The following PKHD1L1 variants were observed in gnomAD, a reference collection of about 807,000 sequenced individuals.
PKHD1L1 encodes the protein PKHD1 like 1, also known as fibrocystin-L.
In PKHD1L1, 434 loss-of-function variants were observed where a neutral mutation model predicts 462.9. That is an observed-to-expected ratio of 0.94 (90% confidence interval 0.87 to 1.02). The LOEUF (loss-of-function observed/expected upper bound fraction) is 1.02. PKHD1L1 is among the 50% of genes least tolerant of loss of function. The pLI is 0.00. For synonymous variants in PKHD1L1, 1,781 were observed against 1,750.0 expected (o/e 1.02, Z -0.44); for missense variants, 5,202 against 5,096.1 (o/e 1.02, Z -0.63).
At chr8:109,484,953 A>C in intron 57 of PKHD1L1, 91 bp from the exon 58 acceptor site, 1 of 1,054,192 alleles carries the variant, frequency 9.5e-7, no homozygotes, top group East Asian at 2.7e-5. Flanking sequence ...AATGAGATAT[A>C]CATTAAATTT....
chr8:109,523,689 T>C (rs1820676258), intron 76 of PKHD1L1, among the ~76,000 whole-genome samples: 1 of 152,134 alleles, frequency 6.6e-6, no homozygotes, highest in Non-Finnish European at 1.5e-5. Flanking sequence ...AAAATTAACA[T>C]ACAGATTTTC....
chr8:109,392,180 C>T (rs1812743091), intron 9 of PKHD1L1, among the ~76,000 whole-genome samples: 1 of 151,838 alleles, frequency 6.6e-6, no homozygotes, highest in Non-Finnish European at 1.5e-5. Flanking sequence ...ATTTTTTGAA[C>T]TACATATGAT....
intron 12 of PKHD1L1, 52 bp from the exon 13 acceptor site, chr8:109,400,024 G>T: frequency 6.6e-7 from 1 of 1,521,550 alleles, no homozygotes; most frequent in Admixed American, 2.1e-5. Context: ...AAGCCATTGA[G>T]GCATTGCATT....
chr8:109,412,195 G>C, intron 19 of PKHD1L1, 70 bp from the exon 20 acceptor site: 1 of 1,533,214 alleles, frequency 6.5e-7, no homozygotes, highest in Non-Finnish European at 8.9e-7. Flanking sequence ...TGAGTGGTTT[G>C]GGTGCACACG....
At chr8:109,516,252 AT>A (rs1266504270) in intron 72 of PKHD1L1, among the ~76,000 whole-genome samples, 2 of 152,092 alleles carry the variant, frequency 1.3e-5, no homozygotes, top group African/African-American at 4.8e-5. Flanking sequence ...AATACCACAA[AT>A]TGAGTGGCTC....
rs746697802 is a variant in PKHD1L1, at chr8:109,475,228, A to G, written c.8716A>G (p.Ile2906Val). ...CTGGTATTTTAAAGGTGTGGATCAC[A>G]TAACCAACATTTCATATACATCGAC... ...INWYFKGVDH[I>V]TNISYTSTFY... The change falls in exon 51 of 78, where the codon ATA (isoleucine) becomes GTA (valine). Residue 2906 changes from isoleucine to valine, a missense_variant. Ile to Val is a conservative substitution (Grantham distance 29). This residue lies in a region of PKHD1L1 where 4,497 missense variants were observed against 4,336.8 expected (regional missense o/e 1.04). Transcript: ENST00000378402. The G allele has an allele frequency of 5.8e-5, 94 of 1,611,028 alleles. No homozygotes were observed. The South Asian group carries it at 1.0e-3, about 18-fold the overall frequency.
intron 2 of PKHD1L1, among the ~76,000 whole-genome samples, chr8:109,370,239 C>A (rs1244884984): frequency 6.6e-6 from 1 of 152,098 alleles, no homozygotes; most frequent in Admixed American, 6.5e-5. Context: ...CTGCTTCAAC[C>A]TCCCGAGTAG....
intron 21 of PKHD1L1, among the ~76,000 whole-genome samples, chr8:109,415,039 C>T (rs925346999): frequency 2.7e-5 from 4 of 150,820 alleles, no homozygotes; most frequent in Non-Finnish European, 1.5e-5. Context: ...ATTCTGTCAC[C>T]GTGGCTGGAG....
chr8:109,506,432 G>C (rs1035130278), intron 68 of PKHD1L1, among the ~76,000 whole-genome samples: 1 of 152,188 alleles, frequency 6.6e-6, no homozygotes. Context: ...TCATATGCCA[G>C]AGGTTTTCAT....
At chr8:109,525,105 A>C (rs1820751749) in intron 76 of PKHD1L1, among the ~76,000 whole-genome samples, 1 of 152,210 alleles carries the variant, frequency 6.6e-6, no homozygotes. Flanking sequence ...TCTTTCTAGC[A>C]GTTAACCCCC....
Position 109,536,896 on chromosome 8 carries a change from T to G in PKHD1L1, c.*6806T>G, listed in dbSNP as rs1821155511. ...AATAAAAAATCTGCTTCAGACTGTTTGATTTCTCTATTAGGCAATTGACCC... is the reference window on the plus strand; with the variant it reads ...AATAAAAAATCTGCTTCAGACTGTTGGATTTCTCTATTAGGCAATTGACCC... On this transcript the variant is annotated 3_prime_UTR_variant, in exon 78 of 78. Transcript: ENST00000378402. Among the ~76,000 whole-genome samples, 1 of 152,214 alleles carries G rather than the reference T, an allele frequency of 6.6e-6. No homozygotes were observed. Among genetic ancestry groups the G allele is most frequent in the Non-Finnish European group, 1.5e-5 (1 of 68,034 alleles).
chr8:109,413,964 G>C (rs1813995057), intron 21 of PKHD1L1, among the ~76,000 whole-genome samples: 1 of 152,088 alleles, frequency 6.6e-6, no homozygotes, highest in African/African-American at 2.4e-5. Flanking sequence ...AATAATGCTT[G>C]CTGTGCCAAA....
rs115697436 is a variant in PKHD1L1 at position 109,451,020 on chromosome 8, A to G, written c.6221A>G (p.Lys2074Arg). The part of the protein sequence containing the change: ...QACEVSVVNG[K>R]DLSQSMTPFT... ...TGTGAAGTGAGTGTGGTTAATGGGA[A>G]AGATTTGTCACAGTCCATGACTCCG... The change falls in exon 41 of 78, where the codon AAA becomes AGA. Residue 2074 changes from lysine to arginine, a missense_variant. Physicochemically the swap from Lys to Arg is conservative, Grantham distance 26. Around this residue, in one of 3 missense-constraint regions of PKHD1L1, gnomAD observed 4,497 missense variants for 4,336.8 expected, o/e 1.04. Transcript: ENST00000378402. The G allele has an allele frequency of 3.2e-4, 511 of 1,613,562 alleles. 4 individuals are homozygous for G. In the African/African-American group the frequency reaches 6.2e-3, roughly 20 times the overall value.
At chr8:109,387,940 T>A (rs1812518680) in intron 6 of PKHD1L1, among the ~76,000 whole-genome samples, 1 of 152,112 alleles carries the variant, frequency 6.6e-6, no homozygotes, top group Admixed American at 6.6e-5. Flanking sequence ...TCAGACCCAA[T>A]CACCTGAGGA....
chr8:109,458,719 G>A (rs536238573), intron 46 of PKHD1L1, among the ~76,000 whole-genome samples: 92 of 152,200 alleles, frequency 6.0e-4, no homozygotes, highest in African/African-American at 2.0e-3. Flanking sequence ...AGGGTAAAAA[G>A]AAAATGTTGG....
At chr8:109,466,479 G>A (rs1817444553) in intron 49 of PKHD1L1, 99 bp from the exon 50 acceptor site, 3 of 1,207,208 alleles carry the variant, frequency 2.5e-6, no homozygotes, top group African/African-American at 3.1e-5. Flanking sequence ...CTTTTAGACT[G>A]TATTAGTGGT....
chr8:109,493,609 A>T, intron 62 of PKHD1L1, 52 bp from the exon 63 acceptor site: 1 of 1,197,204 alleles, frequency 8.4e-7, no homozygotes. Flanking sequence ...CTCGATTTAT[A>T]TAAATGTTTA....
intron 56 of PKHD1L1, among the ~76,000 whole-genome samples, chr8:109,482,207 G>A (rs1332650458): frequency 2.6e-5 from 4 of 151,780 alleles, no homozygotes; most frequent in Non-Finnish European, 5.9e-5. Context: ...TGCTACCATT[G>A]TTTTACTGTA....
intron 39 of PKHD1L1, 99 bp downstream of exon 39, chr8:109,448,490 A>T (rs2130773569): frequency 8.0e-7 from 1 of 1,249,920 alleles, no homozygotes. Flanking sequence ...AACACATAAA[A>T]TTTCTAGTGT....
Sources: allele counts gnomAD v4.1 joint callset (sites outside exome capture counted in the v4.1 genomes callset), GRCh38; gene constraint gnomAD v4.1.1; regional missense constraint gnomAD v4.1.1; transcripts MANE v1.5; gene names NCBI Gene and HGNC (gene_info 2026-07-23, HGNC 2026-07-21).